Variants in PDE4D observed in about 807,000 individuals in gnomAD.
PDE4D encodes the protein phosphodiesterase 4D, also known as 3',5'-cyclic-AMP phosphodiesterase 4D.
In PDE4D, 24 loss-of-function variants were observed where a neutral mutation model predicts 87.4. The ratio of observed to expected loss-of-function variants is 0.27; its 90% CI spans 0.20 to 0.39. PDE4D has a LOEUF of 0.39. Among genes scored for constraint, PDE4D ranks in the 10% least tolerant of loss-of-function variants. The pLI is 1.00. For synonymous variants in PDE4D, 384 were observed against 383.2 expected, an observed-to-expected ratio of 1.00 and a Z score of -0.02; for missense variants, 714 against 1,041.0, an observed-to-expected ratio of 0.69 and a Z score of 4.32.
intron 1 of PDE4D, among the ~76,000 whole-genome samples, chr5:59,568,558 G>A (rs568183514): frequency 1.3e-5 from 2 of 152,134 alleles, no homozygotes; most frequent in African/African-American, 2.4e-5. Flanking sequence ...AATCCACCTC[G>A]ATCAGGTGAT....
At chr5:60,473,876 C>T (rs1407376585) in intron 1 of PDE4D, among the ~76,000 whole-genome samples, 1 of 150,902 alleles carries the variant, frequency 6.6e-6, no homozygotes, top group African/African-American at 2.4e-5. Flanking sequence ...CCCCCGCCCG[C>T]CGCATTATTC....
intron 2 of PDE4D, among the ~76,000 whole-genome samples, chr5:60,150,551 C>T (rs1781417907): frequency 6.6e-6 from 1 of 152,110 alleles, no homozygotes; most frequent in South Asian, 2.1e-4. Context: ...AATCTATGCT[C>T]ACTGGTCTGA....
At chr5:60,049,764 T>A (rs1769852465) in intron 2 of PDE4D, among the ~76,000 whole-genome samples, 1 of 152,210 alleles carries the variant, frequency 6.6e-6, no homozygotes, top group African/African-American at 2.4e-5. Flanking sequence ...CACTGCTCTC[T>A]TCAAAGCTGT....
chr5:59,244,643 T>C (rs1465245348), intron 1 of PDE4D, among the ~76,000 whole-genome samples: 1 of 144,414 alleles, frequency 6.9e-6, no homozygotes, highest in East Asian at 2.0e-4. Flanking sequence ...CATATATACA[T>C]ATATATGTAT....
At chr5:59,704,497 T>C (rs1357283434) in intron 1 of PDE4D, among the ~76,000 whole-genome samples, 1 of 152,194 alleles carries the variant, frequency 6.6e-6, no homozygotes, top group Non-Finnish European at 1.5e-5. Context: ...AGGATTCTTT[T>C]TCAATTCTCC....
intron 1 of PDE4D, among the ~76,000 whole-genome samples, chr5:59,671,752 A>G (rs912594455): frequency 1.3e-5 from 2 of 151,414 alleles, no homozygotes; most frequent in East Asian, 3.9e-4. Context: ...AGGCTGCAGG[A>G]GCCATGATCA....
At chr5:59,576,892 A>C (rs1365942843) in intron 1 of PDE4D, among the ~76,000 whole-genome samples, 1 of 152,186 alleles carries the variant, frequency 6.6e-6, no homozygotes, top group Non-Finnish European at 1.5e-5. Flanking sequence ...TAAGACTCAA[A>C]TGCCTTACTT....
chr5:59,701,935 G>A (rs1167603835), intron 1 of PDE4D, among the ~76,000 whole-genome samples: 1 of 152,176 alleles, frequency 6.6e-6, no homozygotes, highest in Non-Finnish European at 1.5e-5. Context: ...GCATAAAGGT[G>A]TCAGGTGTGG....
intron 2 of PDE4D, among the ~76,000 whole-genome samples, chr5:60,132,646 TGG>T (rs1779682486): frequency 6.6e-6 from 1 of 152,140 alleles, no homozygotes; most frequent in Non-Finnish European, 1.5e-5. Flanking sequence ...GATGAGGACA[TGG>T]TTAAAAGAGC....
intron 1 of PDE4D, among the ~76,000 whole-genome samples, chr5:60,205,813 G>A (rs1224075473): frequency 6.6e-6 from 1 of 152,074 alleles, no homozygotes; most frequent in African/African-American, 2.4e-5. Context: ...TTCAAACCTG[G>A]GAGGCGGGGG....
At chr5:59,550,369 A>T (rs571428275) in intron 1 of PDE4D, among the ~76,000 whole-genome samples, 10 of 152,086 alleles carry the variant, frequency 6.6e-5, no homozygotes, top group Admixed American at 2.6e-4. Flanking sequence ...ACATATTCTT[A>T]ATTTTTTTCT....
At chr5:60,426,788 T>A (rs2150103546) in intron 1 of PDE4D, among the ~76,000 whole-genome samples, 1 of 152,306 alleles carries the variant, frequency 6.6e-6, no homozygotes, top group East Asian at 1.9e-4. Context: ...GCAGCTTTTG[T>A]AAATATGTTA....
intron 2 of PDE4D, among the ~76,000 whole-genome samples, chr5:60,096,819 A>G (rs1775725279): frequency 6.6e-6 from 1 of 152,070 alleles, no homozygotes; most frequent in Admixed American, 6.6e-5. Flanking sequence ...ATTTAATTAC[A>G]TTGCTCCTGG....
intron 1 of PDE4D, among the ~76,000 whole-genome samples, chr5:59,717,605 T>C (rs760777433): frequency 3.9e-5 from 6 of 152,170 alleles, no homozygotes; most frequent in Admixed American, 2.6e-4. Context: ...CTAAGAAAAA[T>C]TATTAGGATA....
chr5:59,200,008 T>TACATGCACATAC (rs1561687560), intron 2 of PDE4D, among the ~76,000 whole-genome samples: 6 of 122,164 alleles, frequency 4.9e-5, no homozygotes, highest in African/African-American at 1.5e-4. Flanking sequence ...GCATGCAACA[T>TACATGCACATAC]ACATACATGC....
chr5:59,899,629 T>A (rs1296983391), intron 3 of PDE4D, among the ~76,000 whole-genome samples: 1 of 151,936 alleles, frequency 6.6e-6, no homozygotes, highest in Non-Finnish European at 1.5e-5. Flanking sequence ...ATTAAGAAGT[T>A]GGAGTGTGAT....
chr5:60,490,874 T>G (rs1461806837), upstream of PDE4D: 1 of 152,256 alleles, frequency 6.6e-6, no homozygotes, highest in East Asian at 1.9e-4. Context: ...CAAGAATGAT[T>G]GCTAGGTCCA....
intron 1 of PDE4D, among the ~76,000 whole-genome samples, chr5:59,550,941 C>G (rs1482770630): frequency 6.6e-6 from 1 of 152,108 alleles, no homozygotes; most frequent in Non-Finnish European, 1.5e-5. Flanking sequence ...CGTGATCCAC[C>G]TGCCCCAGCC....
At chr5:60,095,736 C>T (rs1164653336) in intron 2 of PDE4D, among the ~76,000 whole-genome samples, 1 of 152,192 alleles carries the variant, frequency 6.6e-6, no homozygotes, top group Non-Finnish European at 1.5e-5. Context: ...TATTTCTCCA[C>T]ATCCTCTCCA....
Sources: gnomAD v4.1 joint callset for allele counts (sites outside exome capture counted in the v4.1 genomes callset) on GRCh38, gnomAD v4.1.1 for gene constraint, MANE v1.5 for transcripts, NCBI Gene and HGNC (gene_info 2026-07-23, HGNC 2026-07-21) for gene names.